MBD6: variants seen among roughly 807,000 people sequenced by gnomAD.
MBD6 encodes the protein methyl-CpG-binding domain protein 6.
MBD6 carries 22 observed loss-of-function variants against 66.8 expected under a neutral mutation model. The observed-to-expected ratio is 0.33, with a 90% CI of 0.24 to 0.47. The LOEUF is 0.47. Among genes scored for constraint, MBD6 ranks in the 20% least tolerant of loss-of-function variants. The probability of loss-of-function intolerance (pLI) is 1.00; values close to 1 mark genes in which losing one functional copy is unlikely to be tolerated. For synonymous variants in MBD6, 540 were observed against 534.6 expected (o/e 1.01, Z -0.14); for missense variants, 1,322 against 1,286.9 (o/e 1.03, Z -0.42).
chr12:57,527,723 G>A, intron 8 of MBD6, 63 bp downstream of exon 8: 1 of 1,557,024 alleles, frequency 6.4e-7, no homozygotes, highest in South Asian at 1.2e-5. Context: ...AAACTTGGGA[G>A]TAGTGGCTGA....
Position 57,526,038 on chromosome 12 carries a change from C to T in MBD6, c.1070C>T (p.Ser357Leu), listed in dbSNP as rs1878911521. 6.2e-7 allele frequency: 1 copy of T among 1,613,948 alleles called. No individual in the cohort carries two copies. The highest frequency in any genetic ancestry group is 1.3e-5 in the African/African-American group (1 of 74,904). The change falls in exon 6 of 13, where the codon TCA (serine) becomes TTA (leucine). Residue 357 changes from serine (S) to leucine (L), a missense_variant. By Grantham distance (145) the Ser-to-Leu change is moderately radical. Transcript: ENST00000355673. ...RAQAPSASHS[S>L]SLRPSQRRPR... ...CAGGCACCCTCAGCTTCCCACTCCT[C>T]ATCACTTCGTCCCTCTCAGCGTCGT...
upstream of MBD6, among the ~76,000 whole-genome samples, chr12:57,522,499 T>G (rs1305465197): frequency 1.3e-5 from 2 of 148,562 alleles, no homozygotes; most frequent in African/African-American, 5.0e-5. Context: ...GGCCCCTCCC[T>G]GAGGAGGGCT....
chr12:57,529,440 C>T lies in MBD6; in HGVS notation c.*206C>T. On this transcript the variant is annotated 3_prime_UTR_variant, in exon 13 of 13. Transcript: ENST00000355673. ...TTCACCCCCCCCCACCACCCCCCCG[C>T]CCCCCCGAAGCCATGTCACTGAAAA... 7.2e-6 allele frequency: 4 copies of T among 554,670 alleles called. No homozygotes were observed. Among genetic ancestry groups the T allele is most frequent in the Non-Finnish European group, 1.3e-5 (4 of 313,022 alleles). 34.4% of individuals were successfully genotyped at this position (554,670 alleles called of 1,614,324 possible).
upstream of MBD6, among the ~76,000 whole-genome samples, chr12:57,522,283 TGTCA>T (rs1297303169): frequency 6.6e-6 from 1 of 152,182 alleles, no homozygotes; most frequent in African/African-American, 2.4e-5. Context: ...CAGACCAGGT[TGTCA>T]GTGACAGGCA....
rs768159817 is a variant in MBD6 at position 57,529,266 on chromosome 12, T to C, written c.*32T>C. On this transcript the variant is annotated 3_prime_UTR_variant, in exon 13 of 13. Transcript: ENST00000355673. The stretch of plus-strand genomic sequence containing the variant: ...TACCTGGAGCTGGATCTGACCCTGA[T>C]TGGGGAGAGCTGAGTGCTGAGCCTT... 2.7e-5 allele frequency: 44 copies of C among 1,612,558 alleles called. No homozygotes were observed. Among genetic ancestry groups the C allele is most frequent in the African/African-American group, 8.0e-5 (6 of 74,844 alleles).
In MBD6 at chr12:57,526,330, G is replaced by A. The variant is rs1327348050; in HGVS notation, c.1362G>A (p.Arg454=). Residue 454 remains arginine (R), a synonymous_variant, in exon 6 of 13, where the codon AGG becomes AGA. Coordinates refer to ENST00000355673, the MANE Select transcript of MBD6 (RefSeq NM_052897.4). ...CCTCAGGGAGCCCTCCCCAGCCCAG[G>A]CACCCCATCCAGCCCTCCCTGCCTG... The part of the protein sequence containing the change: ...TLSSGSPPQP[R]HPIQPSLPGT... 2 of 1,612,040 alleles carry A rather than the reference G, an allele frequency of 1.2e-6. No homozygotes were observed. The highest frequency in any genetic ancestry group is 3.3e-5 in the Admixed American group (2 of 59,842).
downstream of MBD6, chr12:57,530,486 C>T (rs566029927): frequency 1.6e-5 from 8 of 513,116 alleles, no homozygotes; most frequent in East Asian, 6.0e-5. Context: ...GGGGAGACCA[C>T]CTTCTGATGA....
At chr12:57,530,555 C>G, downstream of MBD6, 1 of 766,908 alleles carries the variant, frequency 1.3e-6, no homozygotes, top group South Asian at 1.8e-5. Context: ...ACCCCACATG[C>G]AAGAAGAACC....
chr12:57,530,523 A>AT (rs1879568128), downstream of MBD6: 1 of 582,834 alleles, frequency 1.7e-6, no homozygotes, highest in African/African-American at 1.9e-5. Flanking sequence ...ACCACTCTGT[A>AT]TTCATCAGGG....
At chr12:57,521,299 C>G (rs1443180099), upstream of MBD6, 4 of 152,250 alleles carry the variant, frequency 2.6e-5, no homozygotes, top group Non-Finnish European at 4.4e-5. Flanking sequence ...CCCGTCTCTA[C>G]TAAAAATACA....
At chr12:57,521,435 C>T (rs774346617), upstream of MBD6, among the ~76,000 whole-genome samples, 1 of 152,074 alleles carries the variant, frequency 6.6e-6, no homozygotes, top group Non-Finnish European at 1.5e-5. Flanking sequence ...GCACTCCAGC[C>T]TGGGTGACAG....
chr12:57,522,601 TGGG>T (rs1211746890), upstream of MBD6: 1 of 64,784 alleles, frequency 1.5e-5, no homozygotes, highest in Non-Finnish European at 3.2e-5. Context: ...TGGGGATTAA[TGGG>T]GGGTTGTGGG....
rs2140105319 is a variant in MBD6 at position 57,529,606 on chromosome 12, T to C, written c.*372T>C. 1 of 195,512 alleles carries C rather than the reference T, an allele frequency of 5.1e-6. No homozygotes were observed. The highest frequency in any genetic ancestry group is 1.1e-5 in the Non-Finnish European group (1 of 92,296). The allele number at this position is 195,512 out of a possible 1,614,324, so 12.1% of individuals were successfully genotyped here. A position where few individuals can be genotyped will look rare whatever the true frequency, so the allele number is the denominator to read the frequency against. Reference sequence around the variant, plus strand: ...AATTCGATTTCATTGCCTCCCTTCTTAAAGCCAACAGGCTCAGTTTACAAA... The same window carrying C: ...AATTCGATTTCATTGCCTCCCTTCTCAAAGCCAACAGGCTCAGTTTACAAA... On this transcript the variant is annotated 3_prime_UTR_variant, in exon 13 of 13. Transcript: ENST00000355673.
In MBD6 at chr12:57,526,014, A is replaced by C. The variant is rs374862201; in HGVS notation, c.1046A>C (p.Gln349Pro). 6.2e-7 allele frequency: 1 copy of C among 1,606,956 alleles called. No individual in the cohort carries two copies. The highest frequency in any genetic ancestry group is 1.4e-5 in the African/African-American group (1 of 72,124). The change falls in exon 6 of 13, where the codon CAG becomes CCG. Residue 349 changes from glutamine (Q) to proline (P), a missense_variant. Physicochemically the swap from Gln to Pro is moderately conservative, Grantham distance 76 (BLOSUM62 -1). Transcript: ENST00000355673. ...STLQGRRPRA[Q>P]APSASHSSSL... The stretch of plus-strand genomic sequence containing the variant: ...TTACAGGGCCGAAGGCCCCGTGCCC[A>C]GGCACCCTCAGCTTCCCACTCCTCA...
downstream of MBD6, chr12:57,530,647 CAG>C: frequency 6.5e-7 from 1 of 1,535,026 alleles, no homozygotes; most frequent in Non-Finnish European, 9.0e-7. Flanking sequence ...ACAGAGTTCA[CAG>C]GGGTAGGGAT....
chr12:57,525,249 C>A, intron 5 of MBD6, 99 bp from the exon 6 acceptor site: 1 of 1,482,486 alleles, frequency 6.7e-7, no homozygotes. Flanking sequence ...AAGGAGGGCA[C>A]AGGGAGGTTG....
At position 57,525,904 on chromosome 12, in the gene MBD6, G is replaced by C; in HGVS notation, c.936G>C (p.Gly312=). The C allele has an allele frequency of 6.2e-7, 1 of 1,613,162 alleles. No individual in the cohort carries two copies. Among genetic ancestry groups the C allele is most frequent in the Non-Finnish European group, 8.5e-7 (1 of 1,179,566 alleles). Residue 312 remains glycine (G), a synonymous_variant, in exon 6 of 13, where the codon GGG becomes GGC. Transcript: ENST00000355673. ...TGGGAGGGGCCCCCACGGTGGAGGG[G>C]CCTGGGGCACCCCCCTTCCTTGCTA... ...GPLGGAPTVE[G]PGAPPFLASS... is the part of the protein sequence containing the mutation.
chr12:57,524,990 G>C lies in MBD6; in HGVS notation c.254G>C (p.Gly85Ala), dbSNP rs200158707. 6.2e-7 allele frequency: 1 copy of C among 1,608,068 alleles called. No homozygotes were observed. Among genetic ancestry groups the C allele is most frequent in the Non-Finnish European group, 8.5e-7 (1 of 1,176,584 alleles). ...GACCCTTTGGCCCCGGTGACCCCGG[G>C]TGGGGCTGGGGTGGGGCCAGCATCA... is the stretch of plus-strand genomic sequence containing the variant. ...NFDPLAPVTP[G>A]GAGVGPASEE... Residue 85 changes from glycine to alanine, a missense_variant, in exon 5 of 13, where the codon GGT becomes GCT. Gly to Ala is a moderately conservative substitution (Grantham distance 60). Transcript: ENST00000355673.
rs1470679003 is a variant in MBD6, at chr12:57,528,596, C to T, written c.2820+36C>T. 4 of 1,612,156 alleles carry T rather than the reference C, an allele frequency of 2.5e-6. No homozygotes were observed. The African/African-American group carries it at 4.0e-5, about 16-fold the overall frequency. ...AGTGCTGGTAGTCTGGGCTCAGGGG[C>T]TCTGAGGAAAGGTTGGGGCTTTGGA... On this transcript the variant is annotated intron_variant, in intron 10 of 12. Transcript: ENST00000355673.
Sources: gnomAD v4.1 joint callset for allele counts (sites outside exome capture counted in the v4.1 genomes callset) on GRCh38, gnomAD v4.1.1 for gene constraint, MANE v1.5 for transcripts, NCBI Gene and HGNC (gene_info 2026-07-23, HGNC 2026-07-21) for gene names.